MYO3A: variants seen among roughly 807,000 people sequenced by gnomAD.
MYO3A encodes the protein myosin-IIIa.
A neutral mutation model predicts 192.7 loss-of-function variants in MYO3A; 180 were observed. The observed-to-expected ratio is 0.93, with a 90% CI of 0.83 to 1.06. MYO3A has a LOEUF of 1.06. Among genes scored for constraint, MYO3A ranks in the 50% least tolerant of loss-of-function variants. The pLI, the probability that MYO3A is intolerant of heterozygous loss-of-function variation, is 0.00. For synonymous variants in MYO3A, 628 were observed against 645.3 expected, an observed-to-expected ratio of 0.97 and a Z score of 0.41; for missense variants, 1,896 against 1,905.0, an observed-to-expected ratio of 1.00 and a Z score of 0.09.
chr10:26,114,604 G>C (rs1301601565), intron 17 of MYO3A, among the ~76,000 whole-genome samples: 2 of 152,118 alleles, frequency 1.3e-5, no homozygotes, highest in East Asian at 3.9e-4. Context: ...TTCTGAGAAA[G>C]ATAAGTAGAA....
At chr10:26,026,710 C>CT (rs913776832) in intron 10 of MYO3A, among the ~76,000 whole-genome samples, 178 bp downstream of exon 10, 7 of 151,584 alleles carry the variant, frequency 4.6e-5, no homozygotes, top group Admixed American at 6.6e-5. Flanking sequence ...GCAACACTTT[C>CT]TTTTTTTTTG....
chr10:26,117,143 G>A (rs553937172), intron 17 of MYO3A, among the ~76,000 whole-genome samples: 10 of 152,262 alleles, frequency 6.6e-5, no homozygotes, highest in African/African-American at 2.4e-4. Context: ...GTTTGGGTAG[G>A]TAGGATTTGG....
chr10:26,134,113 T>G (rs1839711993), intron 20 of MYO3A, among the ~76,000 whole-genome samples: 1 of 152,234 alleles, frequency 6.6e-6, no homozygotes, highest in African/African-American at 2.4e-5. Context: ...AATTTTCATC[T>G]TAGCATGCAT....
intron 6 of MYO3A, among the ~76,000 whole-genome samples, chr10:26,014,214 A>C (rs1424330822): frequency 6.6e-6 from 1 of 152,244 alleles, no homozygotes; most frequent in Admixed American, 6.5e-5. Context: ...AAGTCTCAGA[A>C]TCTACCACTG....
intron 22 of MYO3A, 34 bp downstream of exon 22, chr10:26,145,568 C>A (rs748000984): frequency 1.4e-6 from 2 of 1,455,204 alleles, no homozygotes; most frequent in South Asian, 1.1e-5. Context: ...CTGAGTTTCT[C>A]CTTAGCCTTT....
intron 24 of MYO3A, 111 bp downstream of exon 24, chr10:26,154,040 T>C: frequency 1.2e-6 from 1 of 804,390 alleles, no homozygotes; most frequent in African/African-American, 1.7e-5. Context: ...TTTCTCCCTT[T>C]GATCTTGCTT....
intron 26 of MYO3A, among the ~76,000 whole-genome samples, chr10:26,165,530 A>G (rs1052775508): frequency 3.3e-5 from 5 of 152,160 alleles, no homozygotes; most frequent in Admixed American, 2.0e-4. Flanking sequence ...GATTATGGAT[A>G]GATTAACCAA....
intron 18 of MYO3A, 51 bp downstream of exon 18, chr10:26,120,853 C>T (rs1838821251): frequency 6.3e-7 from 1 of 1,595,766 alleles, no homozygotes; most frequent in African/African-American, 1.3e-5. Context: ...AATCTTATGA[C>T]ATACCATAAG....
chr10:26,148,432 C>G (rs1840600325), intron 23 of MYO3A, among the ~76,000 whole-genome samples: 1 of 152,166 alleles, frequency 6.6e-6, no homozygotes, highest in African/African-American at 2.4e-5. Context: ...TCAGGCAGTA[C>G]AAGTTAACCT....
At chr10:25,973,198 A>G (rs547271698) in intron 4 of MYO3A, among the ~76,000 whole-genome samples, 1 of 152,228 alleles carries the variant, frequency 6.6e-6, no homozygotes, top group East Asian at 1.9e-4. Context: ...GGTCCTTCAC[A>G]TCCTTGTTAG....
intron 23 of MYO3A, among the ~76,000 whole-genome samples, chr10:26,150,168 T>C (rs748349987): frequency 6.6e-6 from 1 of 152,202 alleles, no homozygotes; most frequent in Non-Finnish European, 1.5e-5. Flanking sequence ...ACTGATTTTT[T>C]AATCATTCCT....
intron 20 of MYO3A, among the ~76,000 whole-genome samples, chr10:26,129,413 C>T (rs1294185765): frequency 1.3e-5 from 2 of 152,186 alleles, no homozygotes; most frequent in Non-Finnish European, 2.9e-5. Context: ...CCCTCTCCCT[C>T]TCTTCCTCTT....
At chr10:26,153,763 C>T in intron 23 of MYO3A, 87 bp from the exon 24 acceptor site, 1 of 872,128 alleles carries the variant, frequency 1.1e-6, no homozygotes, top group Admixed American at 2.0e-5. Context: ...ATTAACAATG[C>T]TTATTTTAAC....
intron 14 of MYO3A, among the ~76,000 whole-genome samples, chr10:26,085,274 T>G (rs1333312237): frequency 6.6e-6 from 1 of 152,124 alleles, no homozygotes; most frequent in Non-Finnish European, 1.5e-5. Context: ...ATTTTGATTT[T>G]TTTTCCTTTC....
At chr10:26,183,111 G>GGGTGTATCTGT (rs1842686632) in intron 31 of MYO3A, among the ~76,000 whole-genome samples, 1 of 152,168 alleles carries the variant, frequency 6.6e-6, no homozygotes, top group Admixed American at 6.6e-5. Flanking sequence ...ACAGTCCAGA[G>GGGTGTATCTGT]GGTGTATCTG....
chr10:26,065,016 A>G (rs1834726041), intron 10 of MYO3A, among the ~76,000 whole-genome samples: 1 of 152,208 alleles, frequency 6.6e-6, no homozygotes, highest in South Asian at 2.1e-4. Flanking sequence ...TAACTTCAAG[A>G]ACTGAAACTT....
chr10:26,106,747 C>T (rs747499865), intron 17 of MYO3A, among the ~76,000 whole-genome samples: 2 of 152,048 alleles, frequency 1.3e-5, no homozygotes, highest in Admixed American at 6.6e-5. Flanking sequence ...TTTTTTCCTA[C>T]AGCAGTTTGT....
chr10:26,050,539 T>G (rs898031152), intron 10 of MYO3A, among the ~76,000 whole-genome samples: 1 of 152,254 alleles, frequency 6.6e-6, no homozygotes, highest in Non-Finnish European at 1.5e-5. Context: ...TTTTTACTTG[T>G]GTCTATGCTT....
chr10:25,940,525 A>G (rs778481358), intron 2 of MYO3A, among the ~76,000 whole-genome samples: 1 of 152,154 alleles, frequency 6.6e-6, no homozygotes, highest in South Asian at 2.1e-4. Flanking sequence ...CTACAATTAT[A>G]TAACATACAG....
Sources: gnomAD v4.1 joint callset for allele counts (sites outside exome capture counted in the v4.1 genomes callset) on GRCh38, gnomAD v4.1.1 for gene constraint, MANE v1.5 for transcripts, NCBI Gene and HGNC (gene_info 2026-07-23, HGNC 2026-07-21) for gene names.